PWWP2A: variants seen among roughly 807,000 people sequenced by gnomAD.
PWWP2A encodes PWWP domain containing 2A, also known as PWWP domain-containing protein 2A.
A neutral mutation model predicts 48.5 loss-of-function variants in PWWP2A; 18 were observed. The ratio of observed to expected loss-of-function variants is 0.37; its 90% confidence interval spans 0.26 to 0.55. The LOEUF is 0.55. PWWP2A is among the 20% of genes least tolerant of loss of function. PWWP2A has a pLI of 0.81. For synonymous variants in PWWP2A, 396 were observed against 387.7 expected, an observed-to-expected ratio of 1.02 and a Z score of -0.25; for missense variants, 867 against 976.4, an observed-to-expected ratio of 0.89 and a Z score of 1.49.
intron 1 of PWWP2A, among the ~76,000 whole-genome samples, chr5:160,112,054 G>A (rs1188642282): frequency 1.4e-5 from 2 of 143,886 alleles, no homozygotes; most frequent in African/African-American, 5.2e-5. Context: ...TTGAGCCCAG[G>A]AGGTTGAGGC....
At chr5:160,067,250 A>G (rs1165795720) in intron 2 of PWWP2A, among the ~76,000 whole-genome samples, 2 of 152,128 alleles carry the variant, frequency 1.3e-5, no homozygotes, top group Non-Finnish European at 2.9e-5. Context: ...TAGACTCTTT[A>G]ATTTTGTATT....
chr5:160,050,054 C>T, the PWWP2A span, among the ~76,000 whole-genome samples: 1 of 152,086 alleles, frequency 6.6e-6, no homozygotes, highest in Non-Finnish European at 1.5e-5. Flanking sequence ...GCCTGGGCAA[C>T]AGAGAGGATC....
At position 160,119,170 on chromosome 5, in the gene PWWP2A, C is replaced by CGGCGGT; in HGVS notation, c.213_218dup (p.Pro74_Pro75dup). 1 of 1,511,548 alleles carries CGGCGGT rather than the reference C, an allele frequency of 6.6e-7. No homozygotes were observed. Among genetic ancestry groups the CGGCGGT allele is most frequent in the Non-Finnish European group, 8.7e-7 (1 of 1,146,456 alleles). The allele number at this position is 1,511,548 out of a possible 1,614,324, so 93.6% of individuals were successfully genotyped here. On this transcript the variant is annotated inframe_insertion, in exon 1 of 2. Coordinates refer to ENST00000307063, the MANE Select transcript of PWWP2A (RefSeq NM_001130864.2). ...GGCTGCGGGCGAGCTCCCCCGGCGG[C>CGGCGGT]GGCGGTGGCGGCGGGAGCGGCGGCT...
In PWWP2A at chr5:160,091,349, G is replaced by C. The variant is rs1581190945; in HGVS notation, c.*1033C>G. On this transcript the variant is annotated 3_prime_UTR_variant, in exon 2 of 2. Coordinates refer to ENST00000307063, the MANE Select transcript of PWWP2A (RefSeq NM_001130864.2). ...AACACACACAAATAATTTGGATTTA[G>C]TTGATTTTATTTACAGCTTTTTTTT... is the stretch of plus-strand genomic sequence containing the variant. 3.2e-6 allele frequency: 3 copies of C among 931,226 alleles called. No individual in the cohort carries two copies. The highest frequency in any genetic ancestry group is 3.8e-6 in the Non-Finnish European group (3 of 786,788). The allele number at this position is 931,226 out of a possible 1,614,324, so 57.7% of individuals were successfully genotyped here.
chr5:160,112,982 C>T (rs949583139), intron 1 of PWWP2A, among the ~76,000 whole-genome samples: 11 of 152,132 alleles, frequency 7.2e-5, no homozygotes, highest in African/African-American at 2.7e-4. Flanking sequence ...CATGATGAAA[C>T]ACTGTCTCTA....
chr5:160,097,775 G>C (rs931426367), intron 1 of PWWP2A, among the ~76,000 whole-genome samples: 24 of 149,112 alleles, frequency 1.6e-4, no homozygotes, highest in African/African-American at 5.9e-4. Context: ...GAGTGCAGTG[G>C]CACAATCTCG....
At position 160,065,038 on chromosome 5, in the gene PWWP2A, C is replaced by T. The variant is rs779455009; in HGVS notation, c.*237-1365G>A. 2.6e-5 allele frequency: 42 copies of T among 1,612,086 alleles called. No individual in the cohort carries two copies. The South Asian group carries it at 3.1e-4, about 12-fold the overall frequency. The stretch of plus-strand genomic sequence containing the variant: ...CTACCGGCTCGTACTCCATCAATTT[C>T]GTTCAAAATCCAAATAATAACAGAT... On this transcript the variant is annotated intron_variant and NMD_transcript_variant, in intron 4 of 5. Transcript: ENST00000524050.
intron 1 of PWWP2A, among the ~76,000 whole-genome samples, chr5:160,101,168 T>C (rs1756242796): frequency 6.6e-6 from 1 of 152,132 alleles, no homozygotes; most frequent in African/African-American, 2.4e-5. Flanking sequence ...CTGGCCAACA[T>C]GGTGAAACCC....
chr5:160,089,670 T>TAA, downstream of PWWP2A: 1 of 1,284,892 alleles, frequency 7.8e-7, no homozygotes, highest in Non-Finnish European at 1.0e-6. Context: ...TTTCCAGAAA[T>TAA]AAAGACATTC....
chr5:160,051,308 C>T, the PWWP2A span: 2 of 723,800 alleles, frequency 2.8e-6, no homozygotes, highest in Admixed American at 2.7e-5. Context: ...CTACTGACTT[C>T]TGAGTTATTT....
chr5:160,048,186 T>G, the PWWP2A span, among the ~76,000 whole-genome samples: 443 of 127,364 alleles, frequency 3.5e-3, 4 homozygotes, highest in African/African-American at 0.013. Context: ...ATCTCTCTGT[T>G]GCCCGGGCTG....
At chr5:160,098,198 A>G (rs1224109408) in intron 1 of PWWP2A, among the ~76,000 whole-genome samples, 1 of 152,204 alleles carries the variant, frequency 6.6e-6, no homozygotes, top group Non-Finnish European at 1.5e-5. Context: ...TGCTGTTCCC[A>G]CATAAGCATA....
At chr5:160,104,271 T>C (rs1193899048) in intron 1 of PWWP2A, among the ~76,000 whole-genome samples, 1 of 151,740 alleles carries the variant, frequency 6.6e-6, no homozygotes, top group Non-Finnish European at 1.5e-5. Flanking sequence ...AGACCCTGCC[T>C]CTACAAAAAA....
intron 1 of PWWP2A, among the ~76,000 whole-genome samples, chr5:160,115,137 C>CAAAAAAAAAAAAA (rs535110852): frequency 1.1e-5 from 1 of 88,414 alleles, no homozygotes; most frequent in African/African-American, 5.7e-5. Context: ...GAGACTCTGT[C>CAAAAAAAAAAAAA]AAAAAAAAAA....
At chr5:160,079,173 G>A (rs1369050758) in intron 3 of PWWP2A, among the ~76,000 whole-genome samples, 2 of 151,834 alleles carry the variant, frequency 1.3e-5, no homozygotes, top group East Asian at 3.9e-4. Context: ...ATGCAACAAG[G>A]AAAACAGAAA....
chr5:160,099,992 C>G (rs1581225694), intron 1 of PWWP2A, among the ~76,000 whole-genome samples: 1 of 151,928 alleles, frequency 6.6e-6, no homozygotes, highest in East Asian at 2.0e-4. Flanking sequence ...GGGGGAAGAA[C>G]ACTAGGGTTT....
chr5:160,050,512 T>C, the PWWP2A span, among the ~76,000 whole-genome samples: 1 of 152,088 alleles, frequency 6.6e-6, no homozygotes. Context: ...ACTGTAAACA[T>C]CTGATATGTA....
chr5:160,085,261 G>A (rs6882554), intron 2 of PWWP2A, among the ~76,000 whole-genome samples: 1,942 of 152,024 alleles, frequency 0.013, 47 homozygotes, highest in African/African-American at 0.045. Context: ...TGTAATCCAA[G>A]GTGCTAGGAT....
At chr5:160,107,169 C>G (rs1756988350) in intron 1 of PWWP2A, among the ~76,000 whole-genome samples, 1 of 151,998 alleles carries the variant, frequency 6.6e-6, no homozygotes, top group South Asian at 2.1e-4. Flanking sequence ...ATTGATTGTT[C>G]TATTAAATAC....
Sources: gnomAD v4.1 joint callset for allele counts (sites outside exome capture counted in the v4.1 genomes callset) on GRCh38, gnomAD v4.1.1 for gene constraint, MANE v1.5 for transcripts, NCBI Gene and HGNC (gene_info 2026-07-23, HGNC 2026-07-21) for gene names.